MINDY4: variants seen among roughly 807,000 people sequenced by gnomAD.
MINDY4 encodes MINDY lysine 48 deubiquitinase 4.
In MINDY4, 68 loss-of-function variants were observed where a neutral mutation model predicts 87.0. The observed-to-expected ratio is 0.78, with a 90% CI of 0.64 to 0.96. The LOEUF is 0.96. MINDY4 is among the 40% of genes least tolerant of loss of function. The pLI is 0.00. For synonymous variants in MINDY4, 379 were observed against 363.2 expected (o/e 1.04, Z -0.50); for missense variants, 919 against 928.2 (o/e 0.99, Z 0.13).
chr7:30,771,856 G>A (rs1289356412), intron 1 of MINDY4, among the ~76,000 whole-genome samples: 1 of 152,216 alleles, frequency 6.6e-6, no homozygotes, highest in Non-Finnish European at 1.5e-5. Context: ...TGGGGGCCGC[G>A]CCAAGCAATC....
At chr7:30,832,851 C>A (rs1487709032) in intron 6 of MINDY4, among the ~76,000 whole-genome samples, 2 of 152,124 alleles carry the variant, frequency 1.3e-5, no homozygotes, top group Non-Finnish European at 2.9e-5. Context: ...TCCCTTTCTC[C>A]CTCTTAACTT....
chr7:30,837,677 A>T (rs1239518598), intron 7 of MINDY4, among the ~76,000 whole-genome samples: 2 of 152,138 alleles, frequency 1.3e-5, no homozygotes, highest in African/African-American at 4.8e-5. Context: ...GAGCGCACTT[A>T]TGCTTGGGGC....
chr7:30,863,586 A>C (rs1254178791), intron 13 of MINDY4, among the ~76,000 whole-genome samples: 1 of 152,124 alleles, frequency 6.6e-6, no homozygotes, highest in Non-Finnish European at 1.5e-5. Flanking sequence ...CCTTGCACCA[A>C]AGTCAGTGCC....
At chr7:30,878,728 A>C (rs563711712) in intron 15 of MINDY4, among the ~76,000 whole-genome samples, 3 of 152,268 alleles carry the variant, frequency 2.0e-5, no homozygotes, top group East Asian at 3.9e-4. Context: ...GAAGGGACCC[A>C]CAAAGGAAAA....
Position 30,771,480 on chromosome 7 carries a change from C to A in MINDY4, c.-14C>A, listed in dbSNP as rs761858810. 4 of 1,599,028 alleles carry A rather than the reference C, an allele frequency of 2.5e-6. No individual in the cohort carries two copies. The African/African-American group carries it at 5.4e-5, about 21-fold the overall frequency. On this transcript the variant is annotated 5_prime_UTR_variant, in exon 1 of 18. Coordinates refer to ENST00000265299, the MANE Select transcript of MINDY4 (RefSeq NM_032222.3). ...CCCGGCGTGGGCCTCGTGGGCAGAG[C>A]CAGAGCCAGAGCCATGGACAGCCTC...
chr7:30,855,972 G>A (rs554016632), intron 12 of MINDY4, among the ~76,000 whole-genome samples: 3 of 152,202 alleles, frequency 2.0e-5, no homozygotes, highest in Admixed American at 6.5e-5. Flanking sequence ...GGGGTTCCTC[G>A]TGCCAGGCCT....
chr7:30,777,081 C>A lies in MINDY4; in HGVS notation c.64-1351C>A, dbSNP rs772330866. Among the ~76,000 whole-genome samples the A allele has an allele frequency of 9.3e-5, 14 of 150,482 alleles. No homozygotes were observed. The South Asian group carries it at 1.3e-3, about 14-fold the overall frequency. ...ATGGAGTGCAGTGGTGTAATCATAG[C>A]TCACTGTGGCCTTGAAGTCATGAGC... On this transcript the variant is annotated intron_variant, in intron 1 of 17. Transcript: ENST00000265299.
intron 5 of MINDY4, among the ~76,000 whole-genome samples, chr7:30,801,859 C>T (rs1277838448): frequency 6.6e-6 from 1 of 152,192 alleles, no homozygotes; most frequent in Non-Finnish European, 1.5e-5. Flanking sequence ...CACACATCCC[C>T]CTGGAAGGGA....
chr7:30,888,135 A>G (rs1196612744), intron 17 of MINDY4, among the ~76,000 whole-genome samples: 2 of 152,170 alleles, frequency 1.3e-5, no homozygotes, highest in Non-Finnish European at 2.9e-5. Flanking sequence ...AAAGCAGTTA[A>G]GGCAGGTAAC....
chr7:30,848,264 GCCCCCA>G (rs1388258164), intron 9 of MINDY4, among the ~76,000 whole-genome samples: 1 of 152,164 alleles, frequency 6.6e-6, no homozygotes, highest in Non-Finnish European at 1.5e-5. Context: ...AGGAAGACAC[GCCCCCA>G]CCCCCACCCC....
intron 15 of MINDY4, among the ~76,000 whole-genome samples, chr7:30,878,839 C>G (rs770761302): frequency 6.6e-6 from 1 of 152,220 alleles, no homozygotes; most frequent in Non-Finnish European, 1.5e-5. Context: ...GGAGCACGTC[C>G]TCTCCATCAG....
chr7:30,821,093 G>A (rs1268370084), intron 5 of MINDY4, among the ~76,000 whole-genome samples: 2 of 152,130 alleles, frequency 1.3e-5, no homozygotes, highest in Non-Finnish European at 2.9e-5. Context: ...ATTTTAAGAA[G>A]CTTTAACTCT....
chr7:30,805,961 G>A lies in MINDY4; in HGVS notation c.1073+14387G>A, dbSNP rs6956870. 4.7e-3 allele frequency among the ~76,000 whole-genome samples: 714 copies of A among 152,272 alleles called. 5 individuals are homozygous for A. The highest frequency in any genetic ancestry group is 0.016 in the African/African-American group (674 of 41,538). On this transcript the variant is annotated intron_variant, in intron 5 of 17. Coordinates refer to ENST00000265299, the MANE Select transcript of MINDY4 (RefSeq NM_032222.3). Reference sequence around the variant, plus strand: ...GGTGCACGGGCTTGGGTGGGGCCCGGAAGGGGACAGTGCTGACAATACCAG... The same window carrying A: ...GGTGCACGGGCTTGGGTGGGGCCCGAAAGGGGACAGTGCTGACAATACCAG...
chr7:30,811,324 C>A (rs575347707), intron 5 of MINDY4, among the ~76,000 whole-genome samples: 105 of 152,276 alleles, frequency 6.9e-4, no homozygotes, highest in African/African-American at 2.5e-3. Context: ...TAATAGAAAC[C>A]TGCTTACAGC....
At chr7:30,824,899 G>A (rs2128561737) in intron 5 of MINDY4, among the ~76,000 whole-genome samples, 1 of 152,266 alleles carries the variant, frequency 6.6e-6, no homozygotes, top group South Asian at 2.1e-4. Flanking sequence ...TTTCCACCAA[G>A]CCAAGGATTC....
At chr7:30,867,524 G>C (rs1789975967) in intron 13 of MINDY4, among the ~76,000 whole-genome samples, 1 of 152,186 alleles carries the variant, frequency 6.6e-6, no homozygotes, top group African/African-American at 2.4e-5. Context: ...GGAGACTGAG[G>C]CTCAGAGAGG....
chr7:30,784,126 G>C (rs527750198), intron 3 of MINDY4, among the ~76,000 whole-genome samples: 15 of 147,898 alleles, frequency 1.0e-4, no homozygotes, highest in Admixed American at 6.7e-4. Context: ...TTAGCACAAG[G>C]ATTCAGAGGT....
At position 30,892,160 on chromosome 7, in the gene MINDY4, A is replaced by G; in HGVS notation, c.*155A>G. Reference sequence around the variant, plus strand: ...CAGAGCCTCCCTGCCCCTTCCATGAAGGGCCCACCCAAGACTGTGCTGGGG... The same window carrying G: ...CAGAGCCTCCCTGCCCCTTCCATGAGGGGCCCACCCAAGACTGTGCTGGGG... On this transcript the variant is annotated 3_prime_UTR_variant, in exon 18 of 18. Coordinates refer to ENST00000265299, the MANE Select transcript of MINDY4 (RefSeq NM_032222.3). 1 of 741,622 alleles carries G rather than the reference A, an allele frequency of 1.3e-6. No homozygotes were observed. 45.9% of individuals were successfully genotyped at this position (741,622 alleles called of 1,614,324 possible). A position where few individuals can be genotyped will look rare whatever the true frequency, so the allele number is the denominator to read the frequency against.
intron 6 of MINDY4, among the ~76,000 whole-genome samples, chr7:30,832,050 G>A (rs1250338333): frequency 2.0e-5 from 3 of 152,120 alleles, no homozygotes; most frequent in Non-Finnish European, 4.4e-5. Context: ...CCTGCTATAT[G>A]GTCCTAAACC....
Sources: gnomAD v4.1 joint callset for allele counts (sites outside exome capture counted in the v4.1 genomes callset) on GRCh38, gnomAD v4.1.1 for gene constraint, MANE v1.5 for transcripts, NCBI Gene and HGNC (gene_info 2026-07-23, HGNC 2026-07-21) for gene names.